The following CD28 variants were observed in gnomAD, a reference collection of about 807,000 sequenced individuals.
CD28 encodes the protein T-cell-specific surface glycoprotein CD28.
Under a neutral mutation model 21.4 loss-of-function variants are expected in CD28, and 8 were observed. That is an observed-to-expected ratio of 0.37 (90% CI 0.22 to 0.68). The LOEUF (loss-of-function observed/expected upper bound fraction) is 0.68, where lower values mean the gene tolerates loss of function less well. Ranked by LOEUF, CD28 falls within the 30% of genes least tolerant of loss-of-function variation. CD28 has a pLI of 0.55. For synonymous variants in CD28, 106 were observed against 104.0 expected (o/e 1.02, Z -0.12); for missense variants, 239 against 272.2 (o/e 0.88, Z 0.86).
rs1559559978 is a variant in CD28, at chr2:203,736,592, T to C, written c.*1680T>C. On this transcript the variant is annotated 3_prime_UTR_variant, in exon 4 of 4. Transcript: ENST00000324106. ...GATATTTTTCTACCTACAGTTTGAG[T>C]CAACTAGAATATGCCTGGGGACCTT... 1 of 152,178 alleles carries C rather than the reference T, an allele frequency of 6.6e-6. No homozygotes were observed. The highest frequency in any genetic ancestry group is 1.9e-4 in the East Asian group (1 of 5,196). 9.4% of individuals were successfully genotyped at this position (152,178 alleles called of 1,614,324 possible). A position where few individuals can be genotyped will look rare whatever the true frequency, so the allele number is the denominator to read the frequency against.
rs191565541 is a variant in CD28 at position 203,719,362 on chromosome 2, A to G, written c.53-7271A>G. On this transcript the variant is annotated intron_variant, in intron 1 of 3. Transcript: ENST00000324106. ...ATAAGACTCTAATAAAATAGTGGGG[A>G]AAATGAAATGTATTTTGTTCTGGTC... Among the ~76,000 whole-genome samples the G allele has an allele frequency of 6.2e-4, 95 of 152,254 alleles. 3 individuals are homozygous for G. The East Asian group carries it at 0.013, about 21-fold the overall frequency.
chr2:203,715,917 A>T (rs1200425301), intron 1 of CD28, among the ~76,000 whole-genome samples: 1 of 152,074 alleles, frequency 6.6e-6, no homozygotes, highest in Non-Finnish European at 1.5e-5. Context: ...ATGAACTCAC[A>T]TCAGTGCTAT....
chr2:203,709,966 C>T (rs73991090), intron 1 of CD28, among the ~76,000 whole-genome samples: 1,928 of 152,272 alleles, frequency 0.013, 38 homozygotes, highest in African/African-American at 0.043. Flanking sequence ...AGGAAAATAA[C>T]TGACATTTAA....
intron 1 of CD28, among the ~76,000 whole-genome samples, chr2:203,723,882 A>C (rs1339022243): frequency 6.6e-6 from 1 of 152,224 alleles, no homozygotes; most frequent in Non-Finnish European, 1.5e-5. Context: ...CAGCAATTTT[A>C]CTGCTGGCAA....
intron 1 of CD28, among the ~76,000 whole-genome samples, chr2:203,708,148 A>T (rs746281622): frequency 6.6e-6 from 1 of 152,218 alleles, no homozygotes; most frequent in Admixed American, 6.5e-5. Flanking sequence ...TTAAGTGTAC[A>T]TAGCCCAAAG....
chr2:203,724,515 T>C (rs1270589298), intron 1 of CD28, among the ~76,000 whole-genome samples: 1 of 152,190 alleles, frequency 6.6e-6, no homozygotes, highest in Admixed American at 6.5e-5. Flanking sequence ...TATTTTTTCA[T>C]TTTAAAGTTC....
At chr2:203,726,553 T>C in intron 1 of CD28, 80 bp from the exon 2 acceptor site, 1 of 953,614 alleles carries the variant, frequency 1.0e-6, no homozygotes. Flanking sequence ...GTTCATTTAG[T>C]TAATTAATAT....
chr2:203,735,812 A>G lies in CD28; in HGVS notation c.*900A>G, dbSNP rs1256892003. On this transcript the variant is annotated 3_prime_UTR_variant, in exon 4 of 4. Transcript: ENST00000324106. The stretch of plus-strand genomic sequence containing the variant: ...GGGCAGATCACTTGAGATCAGGACC[A>G]GCCTGGTCAAGATGGTGAAACTCCG... 1.3e-5 allele frequency: 2 copies of G among 152,330 alleles called. No homozygotes were observed. Among genetic ancestry groups the G allele is most frequent in the African/African-American group, 4.8e-5 (2 of 41,562 alleles). The allele number at this position is 152,330 out of a possible 1,614,324, so 9.4% of individuals were successfully genotyped here. A position where few individuals can be genotyped will look rare whatever the true frequency, so the allele number is the denominator to read the frequency against.
At chr2:203,729,527 T>C (rs909836952) in intron 2 of CD28, 121 bp from the exon 3 acceptor site, 2 of 1,050,960 alleles carry the variant, frequency 1.9e-6, no homozygotes, top group Non-Finnish European at 2.8e-6. Context: ...CTATTCACTC[T>C]AAGCTGGTGA....
chr2:203,715,622 T>A (rs1456467466), intron 1 of CD28, among the ~76,000 whole-genome samples: 1 of 152,210 alleles, frequency 6.6e-6, no homozygotes, highest in East Asian at 1.9e-4. Context: ...TAATATTAAC[T>A]GTCATCCTAA....
At chr2:203,725,696 C>T (rs908644154) in intron 1 of CD28, among the ~76,000 whole-genome samples, 5 of 152,126 alleles carry the variant, frequency 3.3e-5, no homozygotes, top group Non-Finnish European at 7.3e-5. Flanking sequence ...TAACTCCCCT[C>T]TGGAGTCTTT....
intron 1 of CD28, 148 bp from the exon 2 acceptor site, chr2:203,726,485 A>G: frequency 3.2e-6 from 2 of 618,406 alleles, no homozygotes; most frequent in South Asian, 4.1e-5. Context: ...TCTCAGTATA[A>G]TTATCCCCTG....
At chr2:203,709,930 A>AT (rs1049804583) in intron 1 of CD28, among the ~76,000 whole-genome samples, 2 of 152,180 alleles carry the variant, frequency 1.3e-5, no homozygotes, top group African/African-American at 2.4e-5. Context: ...CTTAGCGCTT[A>AT]TTTTTCTGAG....
At chr2:203,731,541 C>T (rs1027036306) in intron 3 of CD28, among the ~76,000 whole-genome samples, 1 of 152,174 alleles carries the variant, frequency 6.6e-6, no homozygotes, top group Non-Finnish European at 1.5e-5. Context: ...ACTAGCTCTG[C>T]AGAAAGTAGT....
At chr2:203,718,509 CAT>C (rs1424966317) in intron 1 of CD28, among the ~76,000 whole-genome samples, 3 of 152,156 alleles carry the variant, frequency 2.0e-5, no homozygotes, top group African/African-American at 7.2e-5. Flanking sequence ...TCCTACCTAA[CAT>C]GTGAAATTCT....
At chr2:203,713,765 A>G (rs1056495789) in intron 1 of CD28, among the ~76,000 whole-genome samples, 11 of 152,030 alleles carry the variant, frequency 7.2e-5, no homozygotes, top group African/African-American at 2.7e-4. Flanking sequence ...TGCATGTAAT[A>G]ATAAATGTTT....
At chr2:203,727,927 T>C (rs1693796028) in intron 2 of CD28, among the ~76,000 whole-genome samples, 1 of 152,194 alleles carries the variant, frequency 6.6e-6, no homozygotes, top group Non-Finnish European at 1.5e-5. Context: ...CCCGCCCGTG[T>C]TGGCCTCCCA....
At chr2:203,725,935 A>T (rs2013278) in intron 1 of CD28, among the ~76,000 whole-genome samples, 97,948 of 152,112 alleles carry the variant, frequency 0.64, 32,034 homozygotes, top group South Asian at 0.82. Flanking sequence ...TAGGTTGGGC[A>T]TGGTGGCTCA....
chr2:203,708,202 A>G (rs1693213394), intron 1 of CD28, among the ~76,000 whole-genome samples: 1 of 152,124 alleles, frequency 6.6e-6, no homozygotes, highest in African/African-American at 2.4e-5. Flanking sequence ...TTGCATATAT[A>G]CCCGTTTATT....
Sources: gnomAD v4.1 joint callset for allele counts (sites outside exome capture counted in the v4.1 genomes callset) on GRCh38, gnomAD v4.1.1 for gene constraint, MANE v1.5 for transcripts, NCBI Gene and HGNC (gene_info 2026-07-23, HGNC 2026-07-21) for gene names.